Variants in PCDHGA3 observed in about 807,000 individuals in gnomAD.
PCDHGA3 encodes the protein protocadherin gamma subfamily A, 3.
Under a neutral mutation model 58.5 loss-of-function variants are expected in PCDHGA3, and 40 were observed. That is an observed-to-expected ratio of 0.68 (90% CI 0.53 to 0.89). The LOEUF is 0.89. PCDHGA3 is among the 40% of genes least tolerant of loss of function. The pLI is 0.00. For missense variants in PCDHGA3, 1,223 were observed against 1,195.9 expected, an observed-to-expected ratio of 1.02 and a Z score of -0.33; for synonymous variants, 530 against 525.7, an observed-to-expected ratio of 1.01 and a Z score of -0.11.
At position 141,489,264 on chromosome 5, in the gene PCDHGA3, G is replaced by T. The variant is rs1314393358; in HGVS notation, c.2425-5543G>T. 10 of 1,553,088 alleles carry T rather than the reference G, an allele frequency of 6.4e-6. No individual in the cohort carries two copies. Among genetic ancestry groups the T allele is most frequent in the Non-Finnish European group, 7.0e-6 (8 of 1,149,620 alleles). ...TCATGGGGCCCAAGACACTCCCACA[G>T]CTCGCTGGGAAATGGCAAGTGCTGT... On this transcript the variant is annotated intron_variant, in intron 1 of 3. Transcript: ENST00000253812. The surrounding 1 kb of genome is among the most constrained non-coding windows in gnomAD (Gnocchi z 4.5).
At chr5:141,421,794 G>A in intron 1 of PCDHGA3, 1 of 1,613,788 alleles carries the variant, frequency 6.2e-7, no homozygotes, top group Non-Finnish European at 8.5e-7. Flanking sequence ...GAACGGATGG[G>A]GCCAAGAATC....
At chr5:141,404,289 A>T in intron 1 of PCDHGA3, 1 of 1,614,006 alleles carries the variant, frequency 6.2e-7, no homozygotes. Context: ...ACTGACATCA[A>T]TGATAATCCA....
At chr5:141,360,028 A>T in intron 1 of PCDHGA3, 1 of 1,360,274 alleles carries the variant, frequency 7.4e-7, no homozygotes, top group Non-Finnish European at 9.8e-7. Flanking sequence ...AGGCCAGTAT[A>T]GATTCGGAAA....
intron 1 of PCDHGA3, chr5:141,362,370 G>A: frequency 6.2e-7 from 1 of 1,614,042 alleles, no homozygotes; most frequent in South Asian, 1.1e-5. Flanking sequence ...ATTACAGTGA[G>A]GGTACATTGC....
rs369794418 is a variant in PCDHGA3, at chr5:141,497,143, G to A, written c.2483+2278G>A. Among the ~76,000 whole-genome samples the A allele has an allele frequency of 7.3e-5, 11 of 150,108 alleles. No individual in the cohort carries two copies. In the East Asian group the frequency reaches 1.6e-3, roughly 21 times the overall value. On this transcript the variant is annotated intron_variant, in intron 2 of 3. Coordinates refer to ENST00000253812, the MANE Select transcript of PCDHGA3 (RefSeq NM_018916.4). ...AGAGGTTGCAGTGAGCTGAGATCAC[G>A]AAAAAAAAATAATCTAGCCACAAAT...
rs191184566 is a variant in PCDHGA3 at position 141,373,694 on chromosome 5, A to G, written c.2424+27237A>G. Among the ~76,000 whole-genome samples the G allele has an allele frequency of 1.4e-4, 21 of 152,388 alleles. No individual in the cohort carries two copies. The Middle Eastern group carries it at 0.014, about 99-fold the overall frequency. ...GAATGGTAAACTTCAGAGAACATTTAAAATTATTCAAAATAATCTCTTACA... is the reference window on the plus strand; with the variant it reads ...GAATGGTAAACTTCAGAGAACATTTGAAATTATTCAAAATAATCTCTTACA... On this transcript the variant is annotated intron_variant, in intron 1 of 3. Transcript: ENST00000253812.
At chr5:141,414,270 T>G in intron 1 of PCDHGA3, 1 of 1,613,476 alleles carries the variant, frequency 6.2e-7, no homozygotes, top group Non-Finnish European at 8.5e-7. Context: ...AAGATTCACC[T>G]CTGGGAACAG....
chr5:141,368,303 C>A lies in PCDHGA3; in HGVS notation c.2424+21846C>A, dbSNP rs981191656. ...CCACTTGATTTTTATTTTTTAAACA[C>A]TGTTAAAGAGCATTCAAGTATATCT... On this transcript the variant is annotated intron_variant, in intron 1 of 3. Transcript: ENST00000253812. Among the ~76,000 whole-genome samples, 12 of 152,184 alleles carry A rather than the reference C, an allele frequency of 7.9e-5. No homozygotes were observed. In the East Asian group the frequency reaches 2.3e-3, roughly 29 times the overall value.
intron 1 of PCDHGA3, chr5:141,371,237 C>A (rs957754662): frequency 5.0e-6 from 8 of 1,614,002 alleles, no homozygotes; most frequent in Non-Finnish European, 5.1e-6. Context: ...TCTATGCCTT[C>A]ATCAATATTG....
chr5:141,394,302 C>T (rs1380425662), intron 1 of PCDHGA3: 1 of 1,614,010 alleles, frequency 6.2e-7, no homozygotes, highest in Non-Finnish European at 8.5e-7. Flanking sequence ...GGACACGCTG[C>T]AGGGGGCGCC....
rs1356357111 is a variant in PCDHGA3 at position 141,370,808 on chromosome 5, T to C, written c.2424+24351T>C. 2.5e-6 allele frequency: 4 copies of C among 1,613,950 alleles called. No individual in the cohort carries two copies. The African/African-American group carries it at 5.3e-5, about 22-fold the overall frequency. On this transcript the variant is annotated intron_variant, in intron 1 of 3. Coordinates refer to ENST00000253812, the MANE Select transcript of PCDHGA3 (RefSeq NM_018916.4). ...CACCGACCTTTAGCCAAAATATCAC[T>C]GAGCTGGAAATCAGCGAACTGGCTC...
intron 1 of PCDHGA3, chr5:141,413,652 G>A: frequency 6.2e-7 from 1 of 1,613,780 alleles, no homozygotes; most frequent in Non-Finnish European, 8.5e-7. Context: ...TTCCTCTCCC[G>A]GAAGCTATTG....
chr5:141,415,848 A>C (rs1222834072), intron 1 of PCDHGA3: 1 of 1,241,178 alleles, frequency 8.1e-7, no homozygotes, highest in Non-Finnish European at 1.0e-6. Context: ...GCTTTGCAGA[A>C]CCTTGTAGTT....
At position 141,393,547 on chromosome 5, in the gene PCDHGA3, C is replaced by G. The variant is rs761723933; in HGVS notation, c.2424+47090C>G. 11 of 1,613,820 alleles carry G rather than the reference C, an allele frequency of 6.8e-6. No homozygotes were observed. The African/African-American group carries it at 9.3e-5, about 14-fold the overall frequency. On this transcript the variant is annotated intron_variant, in intron 1 of 3. Transcript: ENST00000253812. ...GACAATGCCCCGGTTTTTCCTCACCCGATTTACCGAGTGAAAGTCCTTGAG... is the reference window on the plus strand; with the variant it reads ...GACAATGCCCCGGTTTTTCCTCACCGGATTTACCGAGTGAAAGTCCTTGAG...
Position 141,344,051 on chromosome 5 carries a change from T to G in PCDHGA3, c.18T>G (p.Ser6Arg). ...AAAAGGAAATGACCAATTGCCTGAG[T>G]TTCCGAAATGGCAGAGGACTGGCCC... The part of the protein sequence containing the change: MTNCL[S>R]FRNGRGLALL... The change falls in exon 1 of 4, where the codon AGT becomes AGG. Residue 6 changes from serine to arginine, a missense_variant. By Grantham distance (110) the Ser-to-Arg change is moderately radical. Coordinates refer to ENST00000253812, the MANE Select transcript of PCDHGA3 (RefSeq NM_018916.4). 1 of 1,549,846 alleles carries G rather than the reference T, an allele frequency of 6.5e-7. No homozygotes were observed. The highest frequency in any genetic ancestry group is 2.3e-5 in the East Asian group (1 of 43,178).
chr5:141,350,949 C>A, intron 1 of PCDHGA3: 1 of 1,614,064 alleles, frequency 6.2e-7, no homozygotes, highest in Non-Finnish European at 8.5e-7. Flanking sequence ...ATCCGAGTTA[C>A]GGATGCCAAT....
chr5:141,403,340 G>T, intron 1 of PCDHGA3: 3 of 1,613,982 alleles, frequency 1.9e-6, no homozygotes, highest in African/African-American at 1.3e-5. Flanking sequence ...TAACGACAGC[G>T]CCCCAAAGTT....
At chr5:141,371,490 G>A in intron 1 of PCDHGA3, 1 of 1,613,890 alleles carries the variant, frequency 6.2e-7, no homozygotes, top group African/African-American at 1.3e-5. Context: ...GGGGACTGCC[G>A]TTGCCCTGAT....
intron 1 of PCDHGA3, chr5:141,420,300 C>T (rs773892933): frequency 1.6e-5 from 24 of 1,467,248 alleles, no homozygotes; most frequent in African/African-American, 2.8e-5. Context: ...TGTATTTAAT[C>T]CTTTTTATAT....
Sources: allele counts gnomAD v4.1 joint callset (sites outside exome capture counted in the v4.1 genomes callset), GRCh38; gene constraint gnomAD v4.1.1; non-coding constraint Gnocchi (gnomAD v3.1); transcripts MANE v1.5; gene names NCBI Gene and HGNC (gene_info 2026-07-23, HGNC 2026-07-21).